The following SEC24B variants were observed in gnomAD, a reference collection of about 807,000 sequenced individuals.
SEC24B encodes the protein SEC24 homolog B, COPII component.
SEC24B carries 45 observed loss-of-function variants against 142.8 expected under a neutral mutation model. The ratio of observed to expected loss-of-function variants is 0.32; its 90% CI spans 0.25 to 0.40. The LOEUF (loss-of-function observed/expected upper bound fraction) is 0.40. SEC24B is among the 10% of genes least tolerant of loss of function. The pLI, the probability that SEC24B is intolerant of heterozygous loss-of-function variation, is 1.00. For missense variants in SEC24B, 1,409 were observed against 1,526.8 expected (o/e 0.92, Z 1.29); for synonymous variants, 574 against 568.2 (o/e 1.01, Z -0.15).
intron 4 of SEC24B, among the ~76,000 whole-genome samples, chr4:109,490,717 A>G (rs1211087702): frequency 1.3e-5 from 2 of 152,094 alleles, no homozygotes; most frequent in African/African-American, 2.4e-5. Flanking sequence ...GAAAATTCTT[A>G]TAGTCTAACA....
intron 14 of SEC24B, among the ~76,000 whole-genome samples, chr4:109,522,913 A>C (rs1263039654): frequency 1.3e-5 from 2 of 152,256 alleles, no homozygotes; most frequent in East Asian, 3.9e-4. Context: ...TGTTTTTTAA[A>C]AGTAGAGACA....
chr4:109,481,433 A>G (rs1397141296), intron 3 of SEC24B, among the ~76,000 whole-genome samples: 4 of 152,214 alleles, frequency 2.6e-5, no homozygotes, highest in Non-Finnish European at 5.9e-5. Flanking sequence ...ACTGTTTTGG[A>G]CAATACATGA....
chr4:109,531,412 C>T lies in SEC24B; in HGVS notation c.3280C>T (p.Arg1094Trp), dbSNP rs1478123842. ...AGCATTTAGAACGGGTACAAGCACA[C>T]GGCTGGATGATCGTGTATATGCCAT... is the stretch of plus-strand genomic sequence containing the variant. ...QKAFRTGTST[R>W]LDDRVYAMCQ... The change falls in exon 20 of 24, where the codon CGG becomes TGG. Residue 1094 changes from arginine to tryptophan, a missense_variant. By Grantham distance (101) the Arg-to-Trp change is moderately radical. Coordinates refer to ENST00000265175, the MANE Select transcript of SEC24B (RefSeq NM_006323.5). 5.0e-6 allele frequency: 8 copies of T among 1,613,076 alleles called. No homozygotes were observed. The highest frequency in any genetic ancestry group is 1.7e-5 in the Admixed American group (1 of 59,966).
At chr4:109,473,282 C>A in intron 3 of SEC24B, 96 bp downstream of exon 3, 1 of 774,310 alleles carries the variant, frequency 1.3e-6, no homozygotes, top group Non-Finnish European at 1.9e-6. Flanking sequence ...AATCCAAACA[C>A]AACTTTTGGA....
At position 109,540,878 on chromosome 4, in the gene SEC24B, T is replaced by A. The variant is rs1446727130; in HGVS notation, c.*1203T>A. On this transcript the variant is annotated 3_prime_UTR_variant, in exon 24 of 24. Coordinates refer to ENST00000265175, the MANE Select transcript of SEC24B (RefSeq NM_006323.5). ...GCCTGGGCAACAGAGTGAGACTCCA[T>A]CTTAAAAAAAAAAAAAAAGTAATAT... is the stretch of plus-strand genomic sequence containing the variant. 1 of 147,766 alleles carries A rather than the reference T, an allele frequency of 6.8e-6. No homozygotes were observed. 9.2% of individuals were successfully genotyped at this position (147,766 alleles called of 1,614,324 possible).
chr4:109,481,616 A>G, intron 3 of SEC24B, 61 bp from the exon 4 acceptor site: 2 of 1,218,408 alleles, frequency 1.6e-6, no homozygotes, highest in Non-Finnish European at 2.3e-6. Flanking sequence ...GCAATGTCAA[A>G]TTTTTATTTC....
intron 1 of SEC24B, chr4:109,449,460 G>A: frequency 2.2e-6 from 1 of 447,282 alleles, no homozygotes; most frequent in Non-Finnish European, 4.5e-6. Context: ...TTGAACTCCT[G>A]GACCCAAGCA....
chr4:109,470,276 G>T (rs941612689), intron 2 of SEC24B, among the ~76,000 whole-genome samples: 5 of 152,180 alleles, frequency 3.3e-5, no homozygotes, highest in Non-Finnish European at 5.9e-5. Context: ...CTATACATCT[G>T]TGTCACCTGG....
intron 2 of SEC24B, among the ~76,000 whole-genome samples, chr4:109,471,063 T>G (rs1732469894): frequency 6.6e-6 from 1 of 150,798 alleles, no homozygotes; most frequent in South Asian, 2.1e-4. Context: ...GTATTTATTT[T>G]ATTATGCATA....
rs769827016 is a variant in SEC24B, at chr4:109,473,083, A to G, written c.957A>G (p.Ser319=). ...GCCCAGTGGTATCCACTGTTTTATC[A>G]GGATCCTCAGGATCCTCATCAACAA... ...KSSPVVSTVL[S]GSSGSSSTRT... Residue 319 remains serine, a synonymous_variant, in exon 3 of 24, where the codon TCA becomes TCG. Transcript: ENST00000265175. 1.2e-6 allele frequency: 2 copies of G among 1,603,736 alleles called. No individual in the cohort carries two copies. The highest frequency in any genetic ancestry group is 4.5e-5 in the East Asian group (2 of 44,004).
chr4:109,439,934 G>A (rs1028625313), intron 1 of SEC24B, among the ~76,000 whole-genome samples: 3 of 151,134 alleles, frequency 2.0e-5, no homozygotes, highest in African/African-American at 4.9e-5. Flanking sequence ...CAGCCTGGAC[G>A]ACAGGATGAA....
At position 109,524,941 on chromosome 4, in the gene SEC24B, G is replaced by C. The variant is rs1724056539; in HGVS notation, c.2632G>C (p.Ala878Pro). The C allele has an allele frequency of 1.2e-6, 2 of 1,603,882 alleles. No homozygotes were observed. The highest frequency in any genetic ancestry group is 1.3e-5 in the African/African-American group (1 of 74,380). ...SSQYSDLASL[A>P]CMSKYSAGCI... ...ACAGTATTCTGATCTTGCTTCTCTA[G>C]GTAAGGAAAGTCATCATGGGTACAT... The change falls in exon 15 of 24, where the codon GCT (alanine) becomes CCT (proline). Residue 878 changes from alanine to proline, a missense_variant and splice_region_variant. Transcript: ENST00000265175.
At chr4:109,445,619 A>T (rs1729380640) in intron 1 of SEC24B, among the ~76,000 whole-genome samples, 5 of 150,976 alleles carry the variant, frequency 3.3e-5, no homozygotes, top group Admixed American at 3.3e-4. Flanking sequence ...CCCAGGCTGG[A>T]GTGCAGTGGT....
At chr4:109,532,198 A>G (rs1725004075) in intron 20 of SEC24B, among the ~76,000 whole-genome samples, 1 of 152,218 alleles carries the variant, frequency 6.6e-6, no homozygotes, top group African/African-American at 2.4e-5. Flanking sequence ...AATTTTGATT[A>G]TATAGTAAAC....
intron 4 of SEC24B, among the ~76,000 whole-genome samples, chr4:109,489,610 T>C (rs1325880977): frequency 7.0e-6 from 1 of 142,376 alleles, no homozygotes; most frequent in East Asian, 1.9e-4. Flanking sequence ...GAATTATATA[T>C]ATTATATATT....
Position 109,530,359 on chromosome 4 carries a change from A to G in SEC24B, c.3147A>G (p.Ser1049=), listed in dbSNP as rs776050718. ...RDALVNAVVD[S]LSAYGSTVSN... Reference sequence around the variant, plus strand: ...CCTTAGTGAATGCTGTAGTGGACTCATTGTCTGCATATGGCTCAACTGTCT... The same window carrying G: ...CCTTAGTGAATGCTGTAGTGGACTCGTTGTCTGCATATGGCTCAACTGTCT... Residue 1049 remains serine, a synonymous_variant, in exon 19 of 24, where the codon TCA becomes TCG. Transcript: ENST00000265175. 1 of 1,614,074 alleles carries G rather than the reference A, an allele frequency of 6.2e-7. No individual in the cohort carries two copies. The highest frequency in any genetic ancestry group is 8.5e-7 in the Non-Finnish European group (1 of 1,180,006).
intron 1 of SEC24B, among the ~76,000 whole-genome samples, chr4:109,437,160 G>A (rs190535877): frequency 1.3e-5 from 2 of 152,344 alleles, no homozygotes; most frequent in Non-Finnish European, 2.9e-5. Flanking sequence ...GGTAGTGTCA[G>A]AATTGAATTG....
At chr4:109,480,254 A>G (rs532873571) in intron 3 of SEC24B, among the ~76,000 whole-genome samples, 1 of 152,014 alleles carries the variant, frequency 6.6e-6, no homozygotes. Context: ...TATCCATGCT[A>G]ATCAAGTATG....
At chr4:109,534,523 C>T (rs958261431) in intron 22 of SEC24B, among the ~76,000 whole-genome samples, 1 of 151,724 alleles carries the variant, frequency 6.6e-6, no homozygotes, top group Non-Finnish European at 1.5e-5. Context: ...GGAGGCGGAG[C>T]TTGCAGTGAG....
Sources: gnomAD v4.1 joint callset for allele counts (sites outside exome capture counted in the v4.1 genomes callset) on GRCh38, gnomAD v4.1.1 for gene constraint, MANE v1.5 for transcripts, NCBI Gene and HGNC (gene_info 2026-07-23, HGNC 2026-07-21) for gene names.